Variants in JAKMIP1 observed in about 807,000 individuals in gnomAD.
The protein encoded by JAKMIP1 is janus kinase and microtubule interacting protein 1.
A neutral mutation model predicts 113.0 loss-of-function variants in JAKMIP1; 33 were observed. That is an observed-to-expected ratio of 0.29 (90% CI 0.22 to 0.39). The LOEUF (loss-of-function observed/expected upper bound fraction) is 0.39, where lower values mean the gene tolerates loss of function less well. Among genes scored for constraint, JAKMIP1 ranks in the 10% least tolerant of loss-of-function variants. JAKMIP1 has a pLI of 1.00. For synonymous variants in JAKMIP1, 480 were observed against 459.9 expected (o/e 1.04, Z -0.56); for missense variants, 813 against 1,080.5 (o/e 0.75, Z 3.47).
chr4:6,027,543 C>T (rs1412624906), intron 20 of JAKMIP1, among the ~76,000 whole-genome samples: 2 of 152,124 alleles, frequency 1.3e-5, no homozygotes, highest in African/African-American at 4.8e-5. Context: ...GGTCACAGGC[C>T]CCGATGCCTG....
rs1007949243 is a variant in JAKMIP1 at position 6,138,258 on chromosome 4, AT to A, written c.-147-25262del. ...TTAATTTTTATTTATTTTTATTTTTATTTTTTTGAGACAGAGTCTCACTCTG... is the reference window on the plus strand; with the variant it reads ...TTAATTTTTATTTATTTTTATTTTTATTTTTTGAGACAGAGTCTCACTCTG... On this transcript the variant is annotated intron_variant, in intron 1 of 20. Transcript: ENST00000409021. The surrounding 1 kb of genome is among the most constrained non-coding windows in gnomAD (Gnocchi z 6.0). Among the ~76,000 whole-genome samples, 1 of 151,800 alleles carries A rather than the reference AT, an allele frequency of 6.6e-6. No individual in the cohort carries two copies. Among genetic ancestry groups the A allele is most frequent in the African/African-American group, 2.4e-5 (1 of 41,306 alleles).
rs1303950082 is a variant in JAKMIP1, at chr4:6,087,713, C to CT, written c.625-2085dup. Among the ~76,000 whole-genome samples, 8 of 152,280 alleles carry CT rather than the reference C, an allele frequency of 5.3e-5. No individual in the cohort carries two copies. The East Asian group carries it at 1.4e-3, about 26-fold the overall frequency. On this transcript the variant is annotated intron_variant, in intron 3 of 20. Coordinates refer to ENST00000409021, the MANE Select transcript of JAKMIP1 (RefSeq NM_001099433.2). ...AAAACGTGCCAGAGGTATCACCTCT[C>CT]TCTTATGTGCTAGTTGTGAGCTAGG... is the stretch of plus-strand genomic sequence containing the variant.
chr4:6,062,199 C>A, intron 10 of JAKMIP1, 113 bp downstream of exon 10: 1 of 1,153,730 alleles, frequency 8.7e-7, no homozygotes, highest in Non-Finnish European at 1.3e-6. Context: ...TTCCCCACCA[C>A]CTCTCAGAAT....
rs1714492064 is a variant in JAKMIP1 at position 6,042,740 on chromosome 4, C to G, written c.2029-513G>C. ...CCCAGCCTGCAGGATGCCAAAGCCA[C>G]TGCCCTCATCCCTCCAGCAACGTGA... On this transcript the variant is annotated intron_variant, in intron 16 of 20. Transcript: ENST00000409021. This position sits in a 1 kb window ranked among gnomAD's most constrained non-coding sequence, Gnocchi z 5.2. Among the ~76,000 whole-genome samples the G allele has an allele frequency of 6.6e-6, 1 of 152,096 alleles. No individual in the cohort carries two copies. Among genetic ancestry groups the G allele is most frequent in the Non-Finnish European group, 1.5e-5 (1 of 68,028 alleles).
chr4:6,072,977 G>A (rs1377482471), intron 8 of JAKMIP1, among the ~76,000 whole-genome samples: 1 of 151,814 alleles, frequency 6.6e-6, no homozygotes, highest in African/African-American at 2.4e-5. Context: ...AGGAGGCTGA[G>A]GCACGAGAAT....
At chr4:6,033,974 T>C (rs75158537) in intron 19 of JAKMIP1, among the ~76,000 whole-genome samples, 3,797 of 152,118 alleles carry the variant, frequency 0.025, 65 homozygotes, top group South Asian at 0.067. Context: ...AAGGGTCACT[T>C]TGTGGCTAGC....
chr4:6,038,757 G>T (rs1289221480), intron 18 of JAKMIP1, among the ~76,000 whole-genome samples: 1 of 152,228 alleles, frequency 6.6e-6, no homozygotes, highest in Non-Finnish European at 1.5e-5. Context: ...CCCCAGGTGG[G>T]CTCCACATGG....
rs888782117 is a variant in JAKMIP1, at chr4:6,188,768, A to G, written c.-148+11485T>C. Among the ~76,000 whole-genome samples the G allele has an allele frequency of 1.3e-5, 2 of 152,144 alleles. No homozygotes were observed. Among genetic ancestry groups the G allele is most frequent in the African/African-American group, 2.4e-5 (1 of 41,418 alleles). On this transcript the variant is annotated intron_variant, in intron 1 of 20. Transcript: ENST00000409021. This position sits in a 1 kb window ranked among gnomAD's most constrained non-coding sequence, Gnocchi z 5.8. ...TCTGAAGTGTCTTGCATTTGTCCCT[A>G]TAGAAAAATCCGGGGCTCTGCAATA... is the stretch of plus-strand genomic sequence containing the variant.
intron 3 of JAKMIP1, among the ~76,000 whole-genome samples, chr4:6,095,787 G>A (rs571855239): frequency 8.6e-5 from 13 of 151,354 alleles, no homozygotes; most frequent in African/African-American, 3.2e-4. Context: ...ACAGAGGCGG[G>A]GGGCGTCTGC....
chr4:6,125,572 C>T (rs9997828), intron 1 of JAKMIP1, among the ~76,000 whole-genome samples: 1 of 150,568 alleles, frequency 6.6e-6, no homozygotes, highest in Non-Finnish European at 1.5e-5. Context: ...CAGAAACACA[C>T]ACACACACCA....
chr4:6,126,530 TACAG>T (rs1170046528), intron 1 of JAKMIP1, among the ~76,000 whole-genome samples: 173 of 116,388 alleles, frequency 1.5e-3, no homozygotes, highest in African/African-American at 5.5e-3. Flanking sequence ...ACACACACCA[TACAG>T]AAACACACAC....
intron 19 of JAKMIP1, among the ~76,000 whole-genome samples, chr4:6,035,669 G>A (rs1713321454): frequency 6.6e-6 from 1 of 152,244 alleles, no homozygotes; most frequent in Admixed American, 6.5e-5. Flanking sequence ...AGGCACTTTG[G>A]TTTGGATGAA....
At chr4:6,195,834 C>G (rs1017305139) in intron 1 of JAKMIP1, among the ~76,000 whole-genome samples, 6 of 152,210 alleles carry the variant, frequency 3.9e-5, no homozygotes, top group African/African-American at 1.4e-4. Flanking sequence ...AGATGTCTCC[C>G]CCAGCTGCTC....
rs1726779954 is a variant in JAKMIP1 at position 6,187,503 on chromosome 4, G to C, written c.-148+12750C>G. On this transcript the variant is annotated intron_variant, in intron 1 of 20. Coordinates refer to ENST00000409021, the MANE Select transcript of JAKMIP1 (RefSeq NM_001099433.2). The surrounding 1 kb of genome is among the most constrained non-coding windows in gnomAD (Gnocchi z 4.2). ...AGGTGAGGCGTTTGGCAAGTGATTA[G>C]GTCACGAGGGCGAGCCCTCATAAAT... 6.6e-6 allele frequency among the ~76,000 whole-genome samples: 1 copy of C among 152,254 alleles called. No individual in the cohort carries two copies. The highest frequency in any genetic ancestry group is 2.4e-5 in the African/African-American group (1 of 41,464).
intron 1 of JAKMIP1, among the ~76,000 whole-genome samples, chr4:6,149,668 G>C (rs1721319365): frequency 1.8e-5 from 2 of 113,786 alleles, no homozygotes; most frequent in Admixed American, 8.1e-5. Context: ...AAAGTCCAAA[G>C]TATATCAAGT....
intron 1 of JAKMIP1, among the ~76,000 whole-genome samples, chr4:6,160,830 C>T (rs1390039777): frequency 6.6e-6 from 1 of 151,772 alleles, no homozygotes; most frequent in Non-Finnish European, 1.5e-5. Flanking sequence ...GACTCACTGA[C>T]CTCCACTCAC....
intron 1 of JAKMIP1, among the ~76,000 whole-genome samples, chr4:6,146,238 G>T (rs998868023): frequency 3.8e-5 from 5 of 132,202 alleles, no homozygotes; most frequent in African/African-American, 1.1e-4. Flanking sequence ...CTGGGGGGAG[G>T]TTGCGGGGGG....
In JAKMIP1 at chr4:6,137,325, G is replaced by A. The variant is rs968000474; in HGVS notation, c.-147-24328C>T. Among the ~76,000 whole-genome samples, 9 of 152,192 alleles carry A rather than the reference G, an allele frequency of 5.9e-5. No homozygotes were observed. The highest frequency in any genetic ancestry group is 2.2e-4 in the African/African-American group (9 of 41,434). ...CCACAGTGGCTGCAAGACGGCACGCGCTGGCATTTTCCTAACAGACGGATC... is the reference window on the plus strand; with the variant it reads ...CCACAGTGGCTGCAAGACGGCACGCACTGGCATTTTCCTAACAGACGGATC... On this transcript the variant is annotated intron_variant, in intron 1 of 20. Coordinates refer to ENST00000409021, the MANE Select transcript of JAKMIP1 (RefSeq NM_001099433.2). This position sits in a 1 kb window ranked among gnomAD's most constrained non-coding sequence, Gnocchi z 4.5.
chr4:6,191,913 T>TTTTA (rs55740817), intron 1 of JAKMIP1, among the ~76,000 whole-genome samples: 12,141 of 141,026 alleles, frequency 0.086, 660 homozygotes, highest in Non-Finnish European at 0.12. Flanking sequence ...CAGGAGTGCA[T>TTTTA]TTTATTTATT....
Sources: allele counts gnomAD v4.1 joint callset (sites outside exome capture counted in the v4.1 genomes callset), GRCh38; gene constraint gnomAD v4.1.1; non-coding constraint Gnocchi (gnomAD v3.1); transcripts MANE v1.5; gene names NCBI Gene and HGNC (gene_info 2026-07-23, HGNC 2026-07-21).